The following CWC27 variants were observed in gnomAD, a reference collection of about 807,000 sequenced individuals.
The protein encoded by CWC27 is spliceosome-associated protein CWC27 homolog.
Under a neutral mutation model 63.6 loss-of-function variants are expected in CWC27, and 47 were observed. The ratio of observed to expected loss-of-function variants is 0.74; its 90% CI spans 0.58 to 0.94. CWC27 has a LOEUF of 0.94. Ranked by LOEUF, CWC27 falls within the 40% of genes least tolerant of loss-of-function variation. The pLI, the probability that CWC27 is intolerant of heterozygous loss-of-function variation, is 0.00. For synonymous variants in CWC27, 175 were observed against 179.8 expected (o/e 0.97, Z 0.22); for missense variants, 495 against 554.3 (o/e 0.89, Z 1.07).
intron 4 of CWC27, among the ~76,000 whole-genome samples, chr5:64,784,710 T>G (rs1347573761): frequency 6.6e-6 from 1 of 152,202 alleles, no homozygotes; most frequent in African/African-American, 2.4e-5. Flanking sequence ...TGGTGTTGTT[T>G]TAAAACTCTT....
intron 10 of CWC27, among the ~76,000 whole-genome samples, chr5:64,822,143 A>G (rs1745218571): frequency 6.6e-6 from 1 of 152,226 alleles, no homozygotes; most frequent in Non-Finnish European, 1.5e-5. Context: ...TCACCATTGT[A>G]TAATAATAAC....
chr5:64,937,868 G>T (rs1580737304), intron 11 of CWC27, among the ~76,000 whole-genome samples: 2 of 147,960 alleles, frequency 1.4e-5, no homozygotes, highest in African/African-American at 5.0e-5. Flanking sequence ...TGTCTTTTTT[G>T]ATCTTTGTTA....
chr5:64,776,292 A>G (rs1340808324), intron 2 of CWC27, among the ~76,000 whole-genome samples: 1 of 152,128 alleles, frequency 6.6e-6, no homozygotes, highest in African/African-American at 2.4e-5. Flanking sequence ...AGTTTTGAAG[A>G]TTCAAAAGCT....
chr5:64,783,083 T>C (rs770122497), intron 3 of CWC27, among the ~76,000 whole-genome samples: 1 of 152,246 alleles, frequency 6.6e-6, no homozygotes, highest in East Asian at 1.9e-4. Context: ...TACAGAGTTA[T>C]GATCCATTGA....
intron 13 of CWC27, among the ~76,000 whole-genome samples, chr5:65,004,863 TA>T (rs1344791095): frequency 9.0e-5 from 1 of 11,114 alleles, no homozygotes; most frequent in Non-Finnish European, 1.6e-4. Flanking sequence ...GACTTTTTCA[TA>T]TATATATATA....
At chr5:64,949,800 A>C (rs1232753406) in intron 11 of CWC27, among the ~76,000 whole-genome samples, 1 of 151,988 alleles carries the variant, frequency 6.6e-6, no homozygotes, top group African/African-American at 2.4e-5. Flanking sequence ...ATATTCAAGT[A>C]GTTGTTTAAG....
At chr5:64,775,283 T>C (rs1291275060) in intron 2 of CWC27, among the ~76,000 whole-genome samples, 1 of 152,186 alleles carries the variant, frequency 6.6e-6, no homozygotes, top group African/African-American at 2.4e-5. Flanking sequence ...TACCAATTTC[T>C]TCCCCAGTCT....
intron 10 of CWC27, among the ~76,000 whole-genome samples, chr5:64,875,545 C>T (rs1239960836): frequency 6.6e-6 from 1 of 151,996 alleles, no homozygotes; most frequent in African/African-American, 2.4e-5. Context: ...TATTCCTTAC[C>T]TTTTCAGCTA....
In CWC27 at chr5:65,018,476, G is replaced by A. The variant is rs1224578142; in HGVS notation, c.*155G>A. ...AAACAATTATCTTGTTTTGCAAATTGTGGAATGATGTAAGCAAATGCTTTT... is the reference window on the plus strand; with the variant it reads ...AAACAATTATCTTGTTTTGCAAATTATGGAATGATGTAAGCAAATGCTTTT... On this transcript the variant is annotated 3_prime_UTR_variant, in exon 14 of 14. Transcript: ENST00000381070. The A allele has an allele frequency of 3.2e-6, 2 of 623,674 alleles. No individual in the cohort carries two copies. The highest frequency in any genetic ancestry group is 3.2e-5 in the East Asian group (1 of 30,982). 38.6% of individuals were successfully genotyped at this position (623,674 alleles called of 1,614,324 possible).
At chr5:64,911,646 G>A (rs1039857603) in intron 11 of CWC27, among the ~76,000 whole-genome samples, 1 of 152,164 alleles carries the variant, frequency 6.6e-6, no homozygotes, top group Non-Finnish European at 1.5e-5. Context: ...GTACTGTGGT[G>A]TTTTTAACAG....
chr5:64,832,841 A>G (rs556091172), intron 10 of CWC27, among the ~76,000 whole-genome samples: 10 of 151,878 alleles, frequency 6.6e-5, no homozygotes, highest in African/African-American at 2.2e-4. Context: ...TTATTAAAAT[A>G]CTATTTACCT....
intron 11 of CWC27, among the ~76,000 whole-genome samples, chr5:64,914,876 T>C (rs1747860919): frequency 6.6e-6 from 1 of 152,086 alleles, no homozygotes; most frequent in Non-Finnish European, 1.5e-5. Context: ...TGGTAAAAAT[T>C]GTGGTATATT....
intron 10 of CWC27, among the ~76,000 whole-genome samples, chr5:64,867,194 A>G (rs1412115202): frequency 6.6e-6 from 1 of 152,070 alleles, no homozygotes; most frequent in Non-Finnish European, 1.5e-5. Flanking sequence ...AAATTTTTCC[A>G]ATGTCACACA....
intron 2 of CWC27, 45 bp downstream of exon 2, chr5:64,774,832 A>G (rs780689602): frequency 1.8e-6 from 2 of 1,118,940 alleles, no homozygotes; most frequent in South Asian, 2.7e-5. Context: ...GTTAATTTAA[A>G]AATAAACTGC....
chr5:65,004,909 T>TATACACACAC (rs1402275240), intron 13 of CWC27, among the ~76,000 whole-genome samples: 1 of 65,084 alleles, frequency 1.5e-5, no homozygotes, highest in African/African-American at 6.3e-5. Context: ...TATATATACA[T>TATACACACAC]ACACACACAC....
chr5:64,903,485 A>G (rs1158884898), intron 11 of CWC27, among the ~76,000 whole-genome samples: 4 of 150,614 alleles, frequency 2.7e-5, no homozygotes, highest in African/African-American at 7.3e-5. Flanking sequence ...ATGAGAACAC[A>G]TGGACACAGG....
intron 4 of CWC27, among the ~76,000 whole-genome samples, chr5:64,785,278 A>G (rs1398527714): frequency 6.6e-6 from 1 of 152,172 alleles, no homozygotes; most frequent in Non-Finnish European, 1.5e-5. Flanking sequence ...AAATTTCCAA[A>G]AAACTTATTG....
intron 10 of CWC27, among the ~76,000 whole-genome samples, chr5:64,868,134 TCTAGAAGA>T (rs1355594179): frequency 6.6e-6 from 1 of 152,002 alleles, no homozygotes; most frequent in Non-Finnish European, 1.5e-5. Context: ...TTGCCAAGAT[TCTAGAAGA>T]CTACATTCTT....
chr5:64,943,937 T>C (rs1002743930), intron 11 of CWC27, among the ~76,000 whole-genome samples: 2 of 152,124 alleles, frequency 1.3e-5, no homozygotes, highest in Admixed American at 6.6e-5. Context: ...ACCGTTACCA[T>C]AACTACCAAC....
Sources: gnomAD v4.1 joint callset for allele counts (sites outside exome capture counted in the v4.1 genomes callset) on GRCh38, gnomAD v4.1.1 for gene constraint, MANE v1.5 for transcripts, NCBI Gene and HGNC (gene_info 2026-07-23, HGNC 2026-07-21) for gene names.